The following PGLYRP4 variants were observed in gnomAD, a reference collection of about 807,000 sequenced individuals.
The protein encoded by PGLYRP4 is PGRP-I-beta.
A neutral mutation model predicts 41.2 loss-of-function variants in PGLYRP4; 39 were observed. The observed-to-expected ratio is 0.95, with a 90% confidence interval of 0.73 to 1.24. The LOEUF is 1.24. Among genes scored for constraint, PGLYRP4 ranks in the 50% most tolerant of loss-of-function variants. PGLYRP4 has a pLI of 0.00. For synonymous variants in PGLYRP4, 202 were observed against 186.8 expected, an observed-to-expected ratio of 1.08 and a Z score of -0.66; for missense variants, 467 against 460.7, an observed-to-expected ratio of 1.01 and a Z score of -0.13.
At chr1:153,338,210 A>G (rs1451466914) in intron 7 of PGLYRP4, among the ~76,000 whole-genome samples, 2 of 151,838 alleles carry the variant, frequency 1.3e-5, no homozygotes, top group East Asian at 3.9e-4. Context: ...CAGCCCACCC[A>G]CTTCATCCAC....
In PGLYRP4 at chr1:153,337,229, C is replaced by G; in HGVS notation, c.895G>C (p.Gly299Arg). ...GWNVQGSSTP[G>R]YDDIALGITF... ...ATGCCCAGGGCAATGTCATCGTAGC[C>G]AGGGGTGGAGGAGCCTTGGACATTC... Residue 299 changes from glycine (G) to arginine (R), a missense_variant, in exon 8 of 9, where the codon GGC (glycine) becomes CGC (arginine). Coordinates refer to ENST00000359650, the MANE Select transcript of PGLYRP4 (RefSeq NM_020393.4). 1 of 1,613,884 alleles carries G rather than the reference C, an allele frequency of 6.2e-7. No homozygotes were observed. Among genetic ancestry groups the G allele is most frequent in the Non-Finnish European group, 8.5e-7 (1 of 1,179,876 alleles).
At chr1:153,338,373 T>C (rs1257542740) in intron 7 of PGLYRP4, among the ~76,000 whole-genome samples, 1 of 152,194 alleles carries the variant, frequency 6.6e-6, no homozygotes, top group African/African-American at 2.4e-5. Flanking sequence ...CACCACTCAG[T>C]CCTGCCTGGA....
At chr1:153,331,122 T>G (rs1035972795) in intron 8 of PGLYRP4, among the ~76,000 whole-genome samples, 177 bp from the exon 9 acceptor site, 1 of 152,192 alleles carries the variant, frequency 6.6e-6, no homozygotes, top group African/African-American at 2.4e-5. Context: ...AAAGTTTTCC[T>G]GAATCAAAAG....
chr1:153,333,664 A>C (rs1290471917), intron 8 of PGLYRP4, among the ~76,000 whole-genome samples: 4 of 152,214 alleles, frequency 2.6e-5, no homozygotes, highest in Non-Finnish European at 5.9e-5. Context: ...GCAAAAGTTC[A>C]CAACAAAAAT....
At chr1:153,346,631 G>A (rs1422339734) in intron 2 of PGLYRP4, among the ~76,000 whole-genome samples, 1 of 152,216 alleles carries the variant, frequency 6.6e-6, no homozygotes, top group East Asian at 1.9e-4. Flanking sequence ...TGATTTTAGG[G>A]ACGTGTGCTA....
At chr1:153,340,716 C>T (rs1660764832) in intron 6 of PGLYRP4, 137 bp from the exon 7 acceptor site, 2 of 725,936 alleles carry the variant, frequency 2.8e-6, no homozygotes, top group Non-Finnish European at 4.5e-6. Context: ...CCCCAACCAC[C>T]CTGCCCCCAA....
chr1:153,342,953 C>A, intron 5 of PGLYRP4, 137 bp downstream of exon 5: 2 of 566,920 alleles, frequency 3.5e-6, no homozygotes, highest in Non-Finnish European at 6.4e-6. Flanking sequence ...GAAGAAAATT[C>A]CAAGAGAGAG....
chr1:153,343,017 G>A (rs776969707), intron 5 of PGLYRP4, 73 bp downstream of exon 5: 4 of 853,936 alleles, frequency 4.7e-6, no homozygotes, highest in Admixed American at 3.7e-5. Flanking sequence ...CAGATAGCTA[G>A]TTCCCATGAA....
chr1:153,334,935 C>T (rs370234186), intron 8 of PGLYRP4, among the ~76,000 whole-genome samples: 19 of 152,146 alleles, frequency 1.2e-4, no homozygotes, highest in Admixed American at 3.9e-4. Context: ...ACAAAGTTGA[C>T]GAAAACATAC....
At chr1:153,345,636 G>A (rs945924071) in intron 3 of PGLYRP4, among the ~76,000 whole-genome samples, 1 of 152,310 alleles carries the variant, frequency 6.6e-6, no homozygotes, top group South Asian at 2.1e-4. Context: ...CCCCTGCTGT[G>A]GTCCAGGCTC....
intron 8 of PGLYRP4, among the ~76,000 whole-genome samples, chr1:153,336,253 C>G (rs1660553857): frequency 6.6e-6 from 1 of 150,412 alleles, no homozygotes. Flanking sequence ...TGCCTGTAGT[C>G]CTAGCTACTC....
In PGLYRP4 at chr1:153,341,771, G is replaced by A. The variant is rs1023700752; in HGVS notation, c.481C>T (p.Pro161Ser). The stretch of plus-strand genomic sequence containing the variant: ...ATGGCCGACAGGGCAGCAGGGCTGG[G>A]ACTGTGGCCTAGAAGAGAGAAATCT... ...AFFGTKKGHSPSPAALSAMEN... is the reference protein window; with the variant it reads ...AFFGTKKGHSSSPAALSAMEN... The change falls in exon 6 of 9, where the codon CCC becomes TCC. Residue 161 changes from proline to serine, a missense_variant. Pro to Ser is a moderately conservative substitution (Grantham distance 74). Coordinates refer to ENST00000359650, the MANE Select transcript of PGLYRP4 (RefSeq NM_020393.4). The A allele has an allele frequency of 2.5e-6, 4 of 1,613,214 alleles. No homozygotes were observed. In the Admixed American group the frequency reaches 5.0e-5, roughly 20 times the overall value.
intron 2 of PGLYRP4, among the ~76,000 whole-genome samples, chr1:153,347,187 T>A (rs750230963): frequency 1.3e-5 from 2 of 151,570 alleles, no homozygotes; most frequent in Non-Finnish European, 2.9e-5. Flanking sequence ...AGTTCTCTCA[T>A]GCCTCCCTCC....
chr1:153,345,841 G>T (rs953440513), intron 3 of PGLYRP4, among the ~76,000 whole-genome samples: 2 of 152,166 alleles, frequency 1.3e-5, no homozygotes, highest in African/African-American at 4.8e-5. Flanking sequence ...TGAGGGCAAG[G>T]TTTGGGTCTC....
chr1:153,333,346 T>G (rs1218518012), intron 8 of PGLYRP4, among the ~76,000 whole-genome samples: 1 of 152,030 alleles, frequency 6.6e-6, no homozygotes, highest in Non-Finnish European at 1.5e-5. Flanking sequence ...CCTGGAAACA[T>G]ACAACATCCC....
Position 153,346,165 on chromosome 1 carries a change from C to G in PGLYRP4, c.76G>C (p.Ala26Pro). The change falls in exon 3 of 9, where the codon GCT becomes CCT. Residue 26 changes from alanine to proline, a missense_variant. Transcript: ENST00000359650. ...TGGAGCCCCTCTGATACCTGTTTAG[C>G]TTGTGTTTTGTTCCAGGAGGAATCA... ...WGDSSWNKTQ[A>P]KQVSEGLQYL... is the part of the protein sequence containing the mutation. 1 of 1,614,060 alleles carries G rather than the reference C, an allele frequency of 6.2e-7. No individual in the cohort carries two copies. Among genetic ancestry groups the G allele is most frequent in the South Asian group, 1.1e-5 (1 of 91,086 alleles).
At chr1:153,348,168 G>A (rs896139315) in intron 1 of PGLYRP4, among the ~76,000 whole-genome samples, 190 bp from the exon 2 acceptor site, 3 of 152,118 alleles carry the variant, frequency 2.0e-5, no homozygotes, top group Non-Finnish European at 2.9e-5. Context: ...ATTATTACCC[G>A]AGGAACTCAA....
chr1:153,342,987 A>T (rs1660859256), intron 5 of PGLYRP4, 103 bp downstream of exon 5: 2 of 562,234 alleles, frequency 3.6e-6, no homozygotes, highest in African/African-American at 6.0e-5. Flanking sequence ...AAGTATGAGA[A>T]GGATAAGACA....
chr1:153,343,824 G>A (rs541377544), intron 4 of PGLYRP4, among the ~76,000 whole-genome samples: 22 of 152,260 alleles, frequency 1.4e-4, no homozygotes, highest in African/African-American at 4.8e-4. Context: ...CAGCCAGAAA[G>A]AGCAGACAGT....
Sources: allele counts gnomAD v4.1 joint callset (sites outside exome capture counted in the v4.1 genomes callset), GRCh38; gene constraint gnomAD v4.1.1; transcripts MANE v1.5; gene names NCBI Gene and HGNC (gene_info 2026-07-23, HGNC 2026-07-21).